Variants in DNAH7 observed in about 807,000 individuals in gnomAD.
The protein encoded by DNAH7 is axonemal beta dynein heavy chain 7.
DNAH7 carries 397 observed loss-of-function variants against 444.6 expected under a neutral mutation model. That is an observed-to-expected ratio of 0.89 (90% confidence interval 0.82 to 0.97). DNAH7 has a LOEUF of 0.97. Ranked by LOEUF, DNAH7 falls within the 50% of genes least tolerant of loss-of-function variation. DNAH7 has a pLI of 0.00. For synonymous variants in DNAH7, 1,636 were observed against 1,624.4 expected (o/e 1.01, Z -0.17); for missense variants, 4,902 against 4,800.8 (o/e 1.02, Z -0.62).
chr2:195,860,880 C>G (rs1699977379), intron 42 of DNAH7, among the ~76,000 whole-genome samples: 1 of 151,842 alleles, frequency 6.6e-6, no homozygotes, highest in South Asian at 2.1e-4. Flanking sequence ...TACATTTGTG[C>G]TTTTAAGTAA....
Position 195,957,436 on chromosome 2 carries a change from C to A in DNAH7, c.2903G>T (p.Gly968Val), listed in dbSNP as rs746432512. Residue 968 changes from glycine to valine, a missense_variant, in exon 19 of 65, where the codon GGC (glycine) becomes GTC (valine). Physicochemically the swap from Gly to Val is moderately radical, Grantham distance 109. Transcript: ENST00000312428. ...PYEKQMREWE[G>V]KLLLLQEILD... ...AATCTCCTGAAGCAGTAGGAGCTTG[C>A]CCTCCCATTCTCTGAGGAGCAAAAC... 1.1e-5 allele frequency: 17 copies of A among 1,552,074 alleles called. No individual in the cohort carries two copies. In the East Asian group the frequency reaches 3.7e-4, roughly 34 times the overall value.
chr2:195,827,109 A>C (rs1351964280), intron 48 of DNAH7, among the ~76,000 whole-genome samples: 1 of 152,190 alleles, frequency 6.6e-6, no homozygotes, highest in Non-Finnish European at 1.5e-5. Flanking sequence ...TTTACCCTGG[A>C]TGCAATGTGC....
chr2:195,940,983 G>A (rs9808180), intron 19 of DNAH7, among the ~76,000 whole-genome samples: 1,660 of 151,986 alleles, frequency 0.011, 34 homozygotes, highest in African/African-American at 0.037. Flanking sequence ...AAAGATCTAG[G>A]ATCAGAAATA....
chr2:195,972,114 G>A, intron 16 of DNAH7, 128 bp downstream of exon 16: 1 of 713,144 alleles, frequency 1.4e-6, no homozygotes, highest in South Asian at 1.9e-5. Context: ...TTTATAGTGA[G>A]ATTATAGCAT....
At chr2:195,770,513 C>G (rs1574404491) in intron 61 of DNAH7, among the ~76,000 whole-genome samples, 2 of 152,106 alleles carry the variant, frequency 1.3e-5, no homozygotes, top group Middle Eastern at 3.4e-3. Context: ...TTTCTCTTGG[C>G]TTTACACTTG....
intron 63 of DNAH7, among the ~76,000 whole-genome samples, chr2:195,744,030 G>A (rs189033156): frequency 3.4e-4 from 52 of 152,320 alleles, no homozygotes; most frequent in East Asian, 1.2e-3. Flanking sequence ...TGGGTGCAGC[G>A]CACCATGCGC....
intron 45 of DNAH7, among the ~76,000 whole-genome samples, chr2:195,853,861 A>G (rs571174482): frequency 6.6e-6 from 1 of 152,330 alleles, no homozygotes; most frequent in Admixed American, 6.5e-5. Flanking sequence ...TCCATTTTAA[A>G]TAATCTAGAT....
intron 61 of DNAH7, among the ~76,000 whole-genome samples, chr2:195,763,995 T>C (rs370486099): frequency 3.3e-5 from 5 of 151,836 alleles, no homozygotes; most frequent in African/African-American, 4.8e-5. Context: ...GCAAAAATCT[T>C]GAACAAAATA....
At chr2:195,854,410 C>T (rs1208853567) in intron 45 of DNAH7, among the ~76,000 whole-genome samples, 1 of 152,060 alleles carries the variant, frequency 6.6e-6, no homozygotes, top group Non-Finnish European at 1.5e-5. Flanking sequence ...GCATGTATAT[C>T]AAGTCAATGA....
chr2:196,024,267 G>A (rs947165084), intron 8 of DNAH7, among the ~76,000 whole-genome samples, 162 bp downstream of exon 8: 2 of 152,020 alleles, frequency 1.3e-5, no homozygotes, highest in South Asian at 2.1e-4. Flanking sequence ...ATAAAGCAAA[G>A]TGCAATAAGA....
In DNAH7 at chr2:195,844,984, G is replaced by T; in HGVS notation, c.8945+18C>A. On this transcript the variant is annotated intron_variant, in intron 47 of 64. Coordinates refer to ENST00000312428, the MANE Select transcript of DNAH7 (RefSeq NM_018897.3). Reference sequence around the variant, plus strand: ...GTTATTTAATAAAGACCATTTGTGAGAAAAATATTTTTCTTACATTATGAT... The same window carrying T: ...GTTATTTAATAAAGACCATTTGTGATAAAAATATTTTTCTTACATTATGAT... 6.2e-7 allele frequency: 1 copy of T among 1,605,450 alleles called. No individual in the cohort carries two copies. Among genetic ancestry groups the T allele is most frequent in the Non-Finnish European group, 8.5e-7 (1 of 1,175,352 alleles).
At chr2:195,875,235 T>C (rs1490895740) in intron 38 of DNAH7, among the ~76,000 whole-genome samples, 1 of 152,184 alleles carries the variant, frequency 6.6e-6, no homozygotes, top group African/African-American at 2.4e-5. Flanking sequence ...AGAATAAAGA[T>C]GATTTCTGAA....
At chr2:195,926,170 T>A (rs913137635) in intron 22 of DNAH7, among the ~76,000 whole-genome samples, 1 of 152,122 alleles carries the variant, frequency 6.6e-6, no homozygotes, top group African/African-American at 2.4e-5. Context: ...ATAACAAGAT[T>A]GAGGTTCAAG....
At chr2:196,003,099 G>T (rs1452757320) in intron 10 of DNAH7, among the ~76,000 whole-genome samples, 5 of 149,926 alleles carry the variant, frequency 3.3e-5, no homozygotes, top group African/African-American at 9.8e-5. Context: ...GAAATAAAAG[G>T]ATAGATATAA....
intron 19 of DNAH7, among the ~76,000 whole-genome samples, chr2:195,941,751 G>C (rs1044748684): frequency 9.2e-5 from 14 of 152,030 alleles, no homozygotes; most frequent in African/African-American, 3.4e-4. Flanking sequence ...GGAAATGTAG[G>C]TTGACAGAGT....
chr2:195,777,954 G>C lies in DNAH7; in HGVS notation c.10910C>G (p.Thr3637Ser). ...ELPYEALRYMTGECNYGGRVT... is the reference protein window; with the variant it reads ...ELPYEALRYMSGECNYGGRVT... ...TCTGCCTCCGTAATTGCATTCGCCA[G>C]TCATGTACCGCAGAGCCTCATACGG... Residue 3637 changes from threonine (T) to serine (S), a missense_variant, in exon 59 of 65, where the codon ACT becomes AGT. Coordinates refer to ENST00000312428, the MANE Select transcript of DNAH7 (RefSeq NM_018897.3). The C allele has an allele frequency of 1.2e-6, 2 of 1,613,924 alleles. No individual in the cohort carries two copies. The highest frequency in any genetic ancestry group is 1.3e-5 in the African/African-American group (1 of 75,062).
chr2:195,784,648 T>C (rs921597540), intron 58 of DNAH7, among the ~76,000 whole-genome samples: 8 of 152,158 alleles, frequency 5.3e-5, no homozygotes, highest in Non-Finnish European at 1.2e-4. Context: ...GGTAAAAGGA[T>C]GTTTAGTTTT....
In DNAH7 at chr2:196,002,412, G is replaced by A. The variant is rs184471174; in HGVS notation, c.990-554C>T. ...AGTGTCTGATCTAAAACAAAGTTTC[G>A]AATGTGTATGTGTCCTTGTAATAAA... On this transcript the variant is annotated intron_variant, in intron 10 of 64. Coordinates refer to ENST00000312428, the MANE Select transcript of DNAH7 (RefSeq NM_018897.3). 1.0e-3 allele frequency among the ~76,000 whole-genome samples: 152 copies of A among 152,104 alleles called. 1 individual carries two copies. Among genetic ancestry groups the A allele is most frequent in the Middle Eastern group, 3.4e-3 (1 of 292 alleles).
At chr2:195,825,517 G>A (rs966981351) in intron 48 of DNAH7, among the ~76,000 whole-genome samples, 12 of 151,962 alleles carry the variant, frequency 7.9e-5, no homozygotes, top group Non-Finnish European at 1.3e-4. Context: ...TTTTAAACCA[G>A]TATTCAATTA....
Sources: gnomAD v4.1 joint callset for allele counts (sites outside exome capture counted in the v4.1 genomes callset) on GRCh38, gnomAD v4.1.1 for gene constraint, MANE v1.5 for transcripts, NCBI Gene and HGNC (gene_info 2026-07-23, HGNC 2026-07-21) for gene names.